The following MBNL2 variants were observed in gnomAD, a reference collection of about 807,000 sequenced individuals.
MBNL2 encodes the protein muscleblind-like protein 2.
Under a neutral mutation model 41.9 loss-of-function variants are expected in MBNL2, and 17 were observed. The observed-to-expected ratio is 0.41, with a 90% CI of 0.28 to 0.61. The LOEUF is 0.61. Ranked by LOEUF, MBNL2 falls within the 20% of genes least tolerant of loss-of-function variation. The pLI is 0.35. For synonymous variants in MBNL2, 195 were observed against 182.9 expected, an observed-to-expected ratio of 1.07 and a Z score of -0.53; for missense variants, 336 against 505.6, an observed-to-expected ratio of 0.66 and a Z score of 3.22.
In MBNL2 at chr13:97,373,099, C is replaced by G. The variant is rs541493530; in HGVS notation, c.1048+7928C>G. Among the ~76,000 whole-genome samples the G allele has an allele frequency of 1.6e-3, 245 of 152,262 alleles. 2 individuals are homozygous for G. Among genetic ancestry groups the G allele is most frequent in the African/African-American group, 5.8e-3 (241 of 41,552 alleles). ...CAGCCTCTATGGATGGCTGATCAAA[C>G]TGTGAAATACTCCTTTCTCGCAGTT... On this transcript the variant is annotated intron_variant, in intron 8 of 8. Transcript: ENST00000679496.
chr13:97,388,116 G>A (rs1249861752), intron 8 of MBNL2, among the ~76,000 whole-genome samples: 1 of 152,064 alleles, frequency 6.6e-6, no homozygotes, highest in Non-Finnish European at 1.5e-5. Flanking sequence ...AGCATTTTAA[G>A]AAATGGAGAA....
intron 2 of MBNL2, among the ~76,000 whole-genome samples, chr13:97,315,736 A>G (rs1163115359): frequency 6.6e-6 from 1 of 152,174 alleles, no homozygotes; most frequent in East Asian, 1.9e-4. Flanking sequence ...AAAAGAAAGC[A>G]GGGCTTGGAC....
At chr13:97,297,392 T>A (rs988030286) in intron 2 of MBNL2, among the ~76,000 whole-genome samples, 1 of 152,142 alleles carries the variant, frequency 6.6e-6, no homozygotes, top group Admixed American at 6.6e-5. Context: ...GTAAGATCTA[T>A]GGCATGAGCT....
chr13:97,214,782 G>A, the MBNL2 span, among the ~76,000 whole-genome samples: 1 of 152,200 alleles, frequency 6.6e-6, no homozygotes, highest in African/African-American at 2.4e-5. Flanking sequence ...GAGAAAGGGC[G>A]AATTCTAGTG....
intron 1 of MBNL2, among the ~76,000 whole-genome samples, chr13:97,270,883 A>G (rs963251600): frequency 3.7e-4 from 56 of 152,230 alleles, no homozygotes; most frequent in East Asian, 3.9e-4. Context: ...TTTTCCCCAC[A>G]TCTGCCTGCC....
intron 1 of MBNL2, among the ~76,000 whole-genome samples, chr13:97,270,072 C>T (rs988495419): frequency 6.6e-6 from 1 of 152,068 alleles, no homozygotes; most frequent in Admixed American, 6.5e-5. Flanking sequence ...ATTGACTTGC[C>T]CAAGGTTATG....
chr13:97,147,823 A>G, the MBNL2 span, among the ~76,000 whole-genome samples: 11 of 152,322 alleles, frequency 7.2e-5, no homozygotes, highest in South Asian at 2.1e-3. Flanking sequence ...GAGGCAGCTG[A>G]TTGCAAATAA....
At chr13:97,261,749 C>A (rs535622760) in intron 1 of MBNL2, among the ~76,000 whole-genome samples, 17 of 152,328 alleles carry the variant, frequency 1.1e-4, no homozygotes, top group African/African-American at 3.4e-4. Context: ...TTGACTGAGA[C>A]GATAAAGGCT....
At chr13:97,186,535 T>C in the MBNL2 span, among the ~76,000 whole-genome samples, 2 of 152,372 alleles carry the variant, frequency 1.3e-5, no homozygotes, top group Non-Finnish European at 2.9e-5. Context: ...TATCTTTTAA[T>C]AAAAGTTATA....
In MBNL2 at chr13:97,346,417, A is replaced by AATGG. The variant is rs927136928; in HGVS notation, c.541-383_541-380dup. On this transcript the variant is annotated intron_variant, in intron 4 of 8. Coordinates refer to ENST00000679496, the MANE Select transcript of MBNL2 (RefSeq NM_001382683.1). The surrounding 1 kb of genome is among the most constrained non-coding windows in gnomAD (Gnocchi z 4.2). ...ATTGATGGTAGATGATAGATGAAGGAATGGATGCATGGATAAATAGATAGA... is the reference window on the plus strand; with the variant it reads ...ATTGATGGTAGATGATAGATGAAGGAATGGATGGATGCATGGATAAATAGATAGA... Among the ~76,000 whole-genome samples, 7 of 152,004 alleles carry AATGG rather than the reference A, an allele frequency of 4.6e-5. No homozygotes were observed. The highest frequency in any genetic ancestry group is 1.5e-4 in the African/African-American group (6 of 41,360).
the MBNL2 span, among the ~76,000 whole-genome samples, chr13:97,193,274 G>A: frequency 2.0e-5 from 3 of 152,350 alleles, no homozygotes; most frequent in South Asian, 2.1e-4. Flanking sequence ...CAGCCTGGGG[G>A]CAAAGATACC....
intron 2 of MBNL2, among the ~76,000 whole-genome samples, chr13:97,287,721 C>CTTTT (rs768809008): frequency 1.9e-4 from 22 of 114,928 alleles, no homozygotes; most frequent in East Asian, 4.7e-4. Flanking sequence ...CTTTTCTTTT[C>CTTTT]TTTTTTTTTT....
chr13:97,370,728 TAATAA>T (rs946552283), intron 8 of MBNL2, among the ~76,000 whole-genome samples: 3 of 151,850 alleles, frequency 2.0e-5, no homozygotes, highest in African/African-American at 7.2e-5. Context: ...TATTTCAGTG[TAATAA>T]AATAACCAGT....
chr13:97,284,510 C>A (rs1357164627), intron 2 of MBNL2, among the ~76,000 whole-genome samples: 1 of 152,174 alleles, frequency 6.6e-6, no homozygotes, highest in African/African-American at 2.4e-5. Flanking sequence ...AGGCCCTGCC[C>A]TTCTTTGGTA....
the MBNL2 span, among the ~76,000 whole-genome samples, chr13:97,210,909 A>AT: frequency 6.6e-6 from 1 of 151,284 alleles, no homozygotes; most frequent in Non-Finnish European, 1.5e-5. Context: ...TGTGGGAAGG[A>AT]TTTCTGGCTG....
intron 1 of MBNL2, among the ~76,000 whole-genome samples, chr13:97,252,828 C>A (rs1229336846): frequency 6.6e-6 from 1 of 152,140 alleles, no homozygotes; most frequent in Non-Finnish European, 1.5e-5. Context: ...ATAATGATAA[C>A]ATTTTCTCCT....
intron 1 of MBNL2, among the ~76,000 whole-genome samples, chr13:97,267,371 A>G (rs1388283478): frequency 6.6e-6 from 1 of 152,246 alleles, no homozygotes; most frequent in Non-Finnish European, 1.5e-5. Context: ...TAAAGACCCT[A>G]AAAATAGCTT....
At chr13:97,315,159 C>T (rs2058931858) in intron 2 of MBNL2, among the ~76,000 whole-genome samples, 1 of 152,034 alleles carries the variant, frequency 6.6e-6, no homozygotes, top group South Asian at 2.1e-4. Flanking sequence ...AAAAAGCCTC[C>T]TATGTATACT....
rs1312358729 is a variant in MBNL2 at position 97,366,533 on chromosome 13, G to A, written c.1048+1362G>A. The A allele has an allele frequency of 1.9e-6, 3 of 1,611,954 alleles. No individual in the cohort carries two copies. The highest frequency in any genetic ancestry group is 2.5e-6 in the Non-Finnish European group (3 of 1,178,380). On this transcript the variant is annotated intron_variant, in intron 8 of 8. Coordinates refer to ENST00000679496, the MANE Select transcript of MBNL2 (RefSeq NM_001382683.1). This position sits in a 1 kb window ranked among gnomAD's most constrained non-coding sequence, Gnocchi z 4.7. The stretch of plus-strand genomic sequence containing the variant: ...TCCTGCAACAAGTGTCCCCTTCGCA[G>A]CAACAGCCACAGCCAATCAGGTTTG...
Sources: allele counts gnomAD v4.1 joint callset (sites outside exome capture counted in the v4.1 genomes callset), GRCh38; gene constraint gnomAD v4.1.1; non-coding constraint Gnocchi (gnomAD v3.1); transcripts MANE v1.5; gene names NCBI Gene and HGNC (gene_info 2026-07-23, HGNC 2026-07-21).